Variants in PRKCA observed in about 807,000 individuals in gnomAD.
The protein encoded by PRKCA is protein kinase C alpha, also known as protein kinase C alpha type.
In PRKCA, 27 loss-of-function variants were observed where a neutral mutation model predicts 87.0. The observed-to-expected ratio is 0.31, with a 90% CI of 0.23 to 0.43. The LOEUF (loss-of-function observed/expected upper bound fraction) is 0.43. Ranked by LOEUF, PRKCA falls within the 20% of genes least tolerant of loss-of-function variation. The pLI is 1.00. For synonymous variants in PRKCA, 329 were observed against 311.1 expected (o/e 1.06, Z -0.61); for missense variants, 518 against 852.3 (o/e 0.61, Z 4.88).
intron 3 of PRKCA, among the ~76,000 whole-genome samples, chr17:66,517,100 A>G (rs940424015): frequency 3.3e-5 from 5 of 152,268 alleles, no homozygotes; most frequent in South Asian, 4.1e-4. Flanking sequence ...CCTGGCCAAC[A>G]TGGTGAAACC....
At chr17:66,602,914 A>T (rs1970094005) in intron 3 of PRKCA, among the ~76,000 whole-genome samples, 1 of 152,168 alleles carries the variant, frequency 6.6e-6, no homozygotes, top group East Asian at 1.9e-4. Flanking sequence ...GTAACCGGGG[A>T]TTCAGTCTGT....
At chr17:66,440,659 T>G (rs1023375289) in intron 2 of PRKCA, among the ~76,000 whole-genome samples, 4 of 152,102 alleles carry the variant, frequency 2.6e-5, no homozygotes, top group Non-Finnish European at 5.9e-5. Context: ...GGGGCTTTTT[T>G]GAGGCCTGGA....
intron 2 of PRKCA, among the ~76,000 whole-genome samples, chr17:66,325,482 T>C (rs1371822143): frequency 6.6e-6 from 1 of 152,106 alleles, no homozygotes; most frequent in Admixed American, 6.6e-5. Flanking sequence ...GGACAGGAAA[T>C]AACAAAATAC....
chr17:66,406,585 G>GTTT lies in PRKCA; in HGVS notation c.206-89594_206-89592dup, dbSNP rs71160568. ...TCATGTAGCATTGTAGCTTTTCCAG[G>GTTT]TTTTTTTTTTTTTTTTTTTTTTTTA... is the stretch of plus-strand genomic sequence containing the variant. On this transcript the variant is annotated intron_variant, in intron 2 of 16. Transcript: ENST00000413366. Among the ~76,000 whole-genome samples, 631 of 70,164 alleles carry GTTT rather than the reference G, an allele frequency of 9.0e-3. 48 individuals carry two copies. The highest frequency in any genetic ancestry group is 0.022 in the African/African-American group (487 of 21,680). The allele number at this position is 70,164 out of a possible 152,430, so 46.0% of individuals were successfully genotyped here.
At chr17:66,336,857 C>T (rs8075865) in intron 2 of PRKCA, among the ~76,000 whole-genome samples, 17,161 of 151,016 alleles carry the variant, frequency 0.11, 1,126 homozygotes, top group East Asian at 0.21. Context: ...GGCGTGATCT[C>T]GGCTTACTGC....
intron 2 of PRKCA, among the ~76,000 whole-genome samples, chr17:66,370,342 C>T (rs899261653): frequency 7.0e-6 from 1 of 143,468 alleles, no homozygotes; most frequent in African/African-American, 2.6e-5. Flanking sequence ...AGCAATTTTC[C>T]TGCCTCAGCC....
intron 3 of PRKCA, among the ~76,000 whole-genome samples, chr17:66,526,482 G>A (rs1967351633): frequency 6.6e-6 from 1 of 152,152 alleles, no homozygotes; most frequent in Non-Finnish European, 1.5e-5. Context: ...AATGGACTCT[G>A]CGCCGTACCT....
intron 8 of PRKCA, among the ~76,000 whole-genome samples, chr17:66,708,363 T>A (rs1175808303): frequency 1.3e-5 from 2 of 151,848 alleles, no homozygotes; most frequent in Non-Finnish European, 2.9e-5. Flanking sequence ...TGGGACCTCT[T>A]GCAGATGTGT....
At chr17:66,403,801 C>T (rs1420698819) in intron 2 of PRKCA, 2 of 152,074 alleles carry the variant, frequency 1.3e-5, no homozygotes, top group African/African-American at 4.8e-5. Flanking sequence ...TGATGTTATT[C>T]TTTTAAAAAA....
intron 3 of PRKCA, among the ~76,000 whole-genome samples, chr17:66,576,523 T>A (rs528121196): frequency 1.3e-5 from 2 of 152,268 alleles, no homozygotes; most frequent in African/African-American, 4.8e-5. Context: ...TACTGCAGCA[T>A]GTAATTTGAT....
chr17:66,450,316 C>T (rs976039010), intron 2 of PRKCA, among the ~76,000 whole-genome samples: 4 of 152,180 alleles, frequency 2.6e-5, no homozygotes, highest in African/African-American at 9.7e-5. Context: ...GACACAGTCC[C>T]TCTTAGTCAC....
At chr17:66,749,006 G>A (rs1024455434) in intron 13 of PRKCA, among the ~76,000 whole-genome samples, 1 of 151,232 alleles carries the variant, frequency 6.6e-6, no homozygotes, top group African/African-American at 2.4e-5. Flanking sequence ...ACCAGGACGG[G>A]CGGGTATTAG....
In PRKCA at chr17:66,802,683, A is replaced by C. The variant is rs546737858; in HGVS notation, c.1855-1190A>C. ...TCGGCTGGGTTCTGTGCAAAACCCC[A>C]TACATTTCACCTTCCTGACAGCCTT... On this transcript the variant is annotated intron_variant, in intron 16 of 16. Transcript: ENST00000413366. Among the ~76,000 whole-genome samples the C allele has an allele frequency of 5.9e-5, 9 of 152,314 alleles. No homozygotes were observed. The South Asian group carries it at 8.3e-4, about 14-fold the overall frequency.
chr17:66,364,167 C>T (rs927393809), intron 2 of PRKCA: 1 of 152,222 alleles, frequency 6.6e-6, no homozygotes, highest in African/African-American at 2.4e-5. Flanking sequence ...ATGGTGACCT[C>T]CCAGGAGTCG....
intron 2 of PRKCA, among the ~76,000 whole-genome samples, chr17:66,491,202 T>G (rs1242891263): frequency 6.6e-6 from 1 of 152,186 alleles, no homozygotes; most frequent in Non-Finnish European, 1.5e-5. Context: ...GAGAAAGTGA[T>G]TTTGTGCTTA....
At chr17:66,419,691 C>T (rs745512816) in intron 2 of PRKCA, among the ~76,000 whole-genome samples, 3 of 152,032 alleles carry the variant, frequency 2.0e-5, no homozygotes, top group East Asian at 1.9e-4. Context: ...TTAAACACTC[C>T]GCATGAGAAA....
chr17:66,706,562 C>T (rs943367885), intron 8 of PRKCA, among the ~76,000 whole-genome samples: 3 of 151,054 alleles, frequency 2.0e-5, no homozygotes, highest in Non-Finnish European at 2.9e-5. Context: ...GGCATGAACC[C>T]GGGAGGCGGA....
At chr17:66,659,673 C>T (rs2143891028) in intron 5 of PRKCA, among the ~76,000 whole-genome samples, 1 of 150,690 alleles carries the variant, frequency 6.6e-6, no homozygotes, top group East Asian at 1.9e-4. Context: ...TACCTGAGCC[C>T]AGGAGTTTGA....
intron 2 of PRKCA, among the ~76,000 whole-genome samples, chr17:66,487,655 C>T (rs1281903004): frequency 1.3e-5 from 2 of 152,176 alleles, no homozygotes; most frequent in Non-Finnish European, 2.9e-5. Flanking sequence ...CCTGCCTTCC[C>T]TTTTCTCTGC....
Sources: gnomAD v4.1 joint callset for allele counts (sites outside exome capture counted in the v4.1 genomes callset) on GRCh38, gnomAD v4.1.1 for gene constraint, MANE v1.5 for transcripts, NCBI Gene and HGNC (gene_info 2026-07-23, HGNC 2026-07-21) for gene names.